Variants in LRRC20 observed in about 807,000 individuals in gnomAD.
LRRC20 encodes leucine-rich repeat-containing protein 20.
Under a neutral mutation model 14.4 loss-of-function variants are expected in LRRC20, and 11 were observed. The observed-to-expected ratio is 0.77, with a 90% CI of 0.48 to 1.27. The LOEUF is 1.27. LRRC20 is among the 50% of genes most tolerant of loss of function. The pLI is 0.00. For synonymous variants in LRRC20, 121 were observed against 107.3 expected (o/e 1.13, Z -0.79); for missense variants, 219 against 251.2 (o/e 0.87, Z 0.87).
In LRRC20 at chr10:70,343,347, GGGGAAAAGGGACAGGT is replaced by G. The variant is rs1334443638; in HGVS notation, c.83-2661_83-2646del. On this transcript the variant is annotated intron_variant, in intron 2 of 4. Coordinates refer to ENST00000446961, the MANE Select transcript of LRRC20 (RefSeq NM_001278212.2). ...TTGACCTCACAGATGTGGTTTTGGG[GGGGAAAAGGGACAGGT>G]GGGAAAAGGGCAAAAGTACAGATGA... is the stretch of plus-strand genomic sequence containing the variant. 5.9e-5 allele frequency among the ~76,000 whole-genome samples: 9 copies of G among 152,300 alleles called. No individual in the cohort carries two copies. The South Asian group carries it at 1.9e-3, about 32-fold the overall frequency.
In LRRC20 at chr10:70,300,998, A is replaced by C. The variant is rs1437213358; in HGVS notation, c.*356T>G. 1 of 1,032,920 alleles carries C rather than the reference A, an allele frequency of 9.7e-7. No homozygotes were observed. Among genetic ancestry groups the C allele is most frequent in the East Asian group, 8.2e-5 (1 of 12,134 alleles). The allele number at this position is 1,032,920 out of a possible 1,614,324, so 64.0% of individuals were successfully genotyped here. A position where few individuals can be genotyped will look rare whatever the true frequency, so the allele number is the denominator to read the frequency against. On this transcript the variant is annotated 3_prime_UTR_variant, in exon 5 of 5. Coordinates refer to ENST00000446961, the MANE Select transcript of LRRC20 (RefSeq NM_001278212.2). Reference sequence around the variant, plus strand: ...TGCCCACCTGTGCCTGCTGATCTGGAGGTAACTTGGAGGCACGTACTGCTT... The same window carrying C: ...TGCCCACCTGTGCCTGCTGATCTGGCGGTAACTTGGAGGCACGTACTGCTT...
intron 3 of LRRC20, among the ~76,000 whole-genome samples, chr10:70,339,111 T>G (rs1842820014): frequency 6.6e-6 from 1 of 152,266 alleles, no homozygotes; most frequent in Non-Finnish European, 1.5e-5. Flanking sequence ...GTATGAGGCT[T>G]GCCTTCAGTG....
chr10:70,334,566 C>T (rs765355168), intron 3 of LRRC20, among the ~76,000 whole-genome samples: 5 of 152,178 alleles, frequency 3.3e-5, no homozygotes, highest in Non-Finnish European at 7.4e-5. Flanking sequence ...CCCCCAAATA[C>T]CGCCTAAGAC....
chr10:70,343,247 C>G lies in LRRC20; in HGVS notation c.83-2545G>C, dbSNP rs534786785. 3.9e-5 allele frequency among the ~76,000 whole-genome samples: 6 copies of G among 152,266 alleles called. No homozygotes were observed. In the South Asian group the frequency reaches 1.2e-3, roughly 31 times the overall value. On this transcript the variant is annotated intron_variant, in intron 2 of 4. Transcript: ENST00000446961. ...TATTAATCCCTTTTTGTGCTATCTT[C>G]CCAGTGGACTGGGAAGACACCCAGA...
intron 2 of LRRC20, among the ~76,000 whole-genome samples, chr10:70,354,144 T>C (rs1421549773): frequency 6.6e-6 from 1 of 152,096 alleles, no homozygotes; most frequent in African/African-American, 2.4e-5. Flanking sequence ...CCTTGGGAGC[T>C]CTATAGACTC....
At chr10:70,365,692 C>T (rs772566473) in intron 2 of LRRC20, among the ~76,000 whole-genome samples, 89 of 151,892 alleles carry the variant, frequency 5.9e-4, no homozygotes, top group Non-Finnish European at 1.1e-3. Flanking sequence ...CATACCAAGA[C>T]CCCACCTCGA....
intron 4 of LRRC20, among the ~76,000 whole-genome samples, chr10:70,308,695 GGA>G (rs1226908115): frequency 1.3e-5 from 2 of 152,162 alleles, no homozygotes; most frequent in Admixed American, 1.3e-4. Flanking sequence ...AGGAGGGGTG[GGA>G]GAGGCCAGGA....
intron 2 of LRRC20, among the ~76,000 whole-genome samples, chr10:70,373,294 C>T (rs1382578477): frequency 6.6e-6 from 1 of 152,178 alleles, no homozygotes; most frequent in Non-Finnish European, 1.5e-5. Flanking sequence ...CCAGCAATAT[C>T]TCCCACCTCT....
At chr10:70,306,665 G>T (rs1841437839) in intron 4 of LRRC20, among the ~76,000 whole-genome samples, 1 of 151,882 alleles carries the variant, frequency 6.6e-6, no homozygotes. Flanking sequence ...ACTATTGTGT[G>T]TTTTTTTTCT....
intron 3 of LRRC20, among the ~76,000 whole-genome samples, chr10:70,328,777 G>C (rs1842423437): frequency 6.6e-6 from 1 of 152,106 alleles, no homozygotes; most frequent in South Asian, 2.1e-4. Flanking sequence ...AATCAGCCAG[G>C]CATGGCAGTA....
At chr10:70,378,212 G>A (rs901727098) in intron 1 of LRRC20, among the ~76,000 whole-genome samples, 2 of 152,192 alleles carry the variant, frequency 1.3e-5, no homozygotes, top group East Asian at 3.8e-4. Context: ...ACTCATCTTT[G>A]AGGAATGAGT....
intron 3 of LRRC20, among the ~76,000 whole-genome samples, chr10:70,339,326 C>T (rs2137013045): frequency 6.6e-6 from 1 of 152,274 alleles, no homozygotes. Context: ...GAGGCTGTGG[C>T]AACAGAGATG....
intron 2 of LRRC20, among the ~76,000 whole-genome samples, chr10:70,370,762 A>G (rs4747018): frequency 0.72 from 109,226 of 151,750 alleles, 39,644 homozygotes; most frequent in Non-Finnish European, 0.77. Flanking sequence ...AAAAAGCAGT[A>G]AAGATTTAAA....
chr10:70,353,780 A>G (rs1279479988), intron 2 of LRRC20, among the ~76,000 whole-genome samples: 4 of 152,188 alleles, frequency 2.6e-5, no homozygotes, highest in African/African-American at 9.7e-5. Context: ...ACCATGCTAC[A>G]CTGCCTCCCT....
Position 70,367,161 on chromosome 10 carries a change from C to CA in LRRC20, c.82+9290dup, listed in dbSNP as rs1196022622. On this transcript the variant is annotated intron_variant, in intron 2 of 4. Coordinates refer to ENST00000446961, the MANE Select transcript of LRRC20 (RefSeq NM_001278212.2). ...CCAACACAGGGAGACCCCATCTCTA[C>CA]AAAAAATACAAAAATTAGCCAGGTA... 2.6e-5 allele frequency among the ~76,000 whole-genome samples: 4 copies of CA among 151,676 alleles called. No homozygotes were observed. In the East Asian group the frequency reaches 5.8e-4, roughly 22 times the overall value.
chr10:70,357,816 T>C (rs1417786609), intron 2 of LRRC20, among the ~76,000 whole-genome samples: 4 of 152,170 alleles, frequency 2.6e-5, no homozygotes, highest in Non-Finnish European at 4.4e-5. Flanking sequence ...CACAAACGTA[T>C]ACATACAAAA....
intron 2 of LRRC20, among the ~76,000 whole-genome samples, chr10:70,344,362 A>G (rs1843007735): frequency 1.3e-5 from 2 of 152,374 alleles, no homozygotes; most frequent in South Asian, 2.1e-4. Flanking sequence ...TGTGACAAAC[A>G]ACATAAATTA....
intron 1 of LRRC20, among the ~76,000 whole-genome samples, chr10:70,377,616 C>T (rs1248823078): frequency 6.6e-6 from 1 of 152,202 alleles, no homozygotes; most frequent in African/African-American, 2.4e-5. Context: ...GCTTCACAGA[C>T]AGCTCAAGAA....
intron 3 of LRRC20, among the ~76,000 whole-genome samples, chr10:70,332,760 C>T (rs768819782): frequency 3.3e-5 from 5 of 152,188 alleles, no homozygotes; most frequent in Admixed American, 2.0e-4. Flanking sequence ...ATTATAAATG[C>T]TACTATTATG....
Sources: allele counts gnomAD v4.1 joint callset (sites outside exome capture counted in the v4.1 genomes callset), GRCh38; gene constraint gnomAD v4.1.1; transcripts MANE v1.5; gene names NCBI Gene and HGNC (gene_info 2026-07-23, HGNC 2026-07-21).